Variants in KCNH1 observed in about 807,000 individuals in gnomAD.
KCNH1 encodes potassium voltage-gated channel subfamily H member 1, also known as voltage-gated delayed rectifier potassium channel KCNH1.
Under a neutral mutation model 69.2 loss-of-function variants are expected in KCNH1, and 27 were observed. That is an observed-to-expected ratio of 0.39 (90% confidence interval 0.29 to 0.54). The LOEUF is 0.54. KCNH1 is among the 20% of genes least tolerant of loss of function. The probability of loss-of-function intolerance (pLI) is 0.68; values close to 1 mark genes in which losing one functional copy is unlikely to be tolerated. For missense variants in KCNH1, 798 were observed against 1,261.6 expected (o/e 0.63, Z 5.57); for synonymous variants, 456 against 487.7 (o/e 0.93, Z 0.86).
intron 9 of KCNH1, among the ~76,000 whole-genome samples, chr1:210,782,218 A>C (rs565089694): frequency 1.3e-4 from 20 of 152,294 alleles, no homozygotes; most frequent in African/African-American, 3.6e-4. Context: ...GTATATATAA[A>C]TGAACAGCAC....
chr1:210,779,965 G>A (rs1479642443), intron 9 of KCNH1, among the ~76,000 whole-genome samples: 1 of 152,128 alleles, frequency 6.6e-6, no homozygotes, highest in Non-Finnish European at 1.5e-5. Context: ...GCCAGGGAGG[G>A]GCACAGCACA....
chr1:210,831,772 G>T (rs1685165617), intron 7 of KCNH1, among the ~76,000 whole-genome samples: 5 of 152,058 alleles, frequency 3.3e-5, no homozygotes, highest in Admixed American at 3.3e-4. Flanking sequence ...GAACATAACT[G>T]CACCTTCTGG....
intron 7 of KCNH1, among the ~76,000 whole-genome samples, chr1:210,901,384 C>A (rs748872594): frequency 6.6e-6 from 1 of 152,182 alleles, no homozygotes; most frequent in Non-Finnish European, 1.5e-5. Flanking sequence ...GCAACTACAA[C>A]ATCCTCCTCA....
intron 6 of KCNH1, among the ~76,000 whole-genome samples, chr1:210,970,606 A>G (rs1688495128): frequency 6.6e-6 from 1 of 152,178 alleles, no homozygotes; most frequent in Non-Finnish European, 1.5e-5. Flanking sequence ...CAAAAACTGG[A>G]TCTCTTCCTC....
chr1:211,105,657 C>T lies in KCNH1; in HGVS notation c.203+1597G>A, dbSNP rs1691337124. ...TTAGCAAGTTATTTTATCTGATTTC[C>T]TTAAAGTGTTTGATTATAGCCAATA... is the stretch of plus-strand genomic sequence containing the variant. On this transcript the variant is annotated intron_variant, in intron 2 of 10. Transcript: ENST00000271751. Among the ~76,000 whole-genome samples the T allele has an allele frequency of 2.0e-5, 3 of 152,130 alleles. No individual in the cohort carries two copies. In the South Asian group the frequency reaches 6.2e-4, roughly 32 times the overall value.
intron 10 of KCNH1, among the ~76,000 whole-genome samples, chr1:210,706,209 G>C (rs1681909530): frequency 6.6e-6 from 1 of 152,162 alleles, no homozygotes; most frequent in African/African-American, 2.4e-5. Flanking sequence ...TCCCCTTCCA[G>C]ATTCACTCAG....
At chr1:211,115,237 C>T (rs976762424) in intron 1 of KCNH1, among the ~76,000 whole-genome samples, 10 of 152,172 alleles carry the variant, frequency 6.6e-5, no homozygotes, top group African/African-American at 2.4e-4. Context: ...GATCCACCGG[C>T]CTTGGCCTCC....
chr1:211,028,910 G>T (rs940791624), intron 5 of KCNH1, among the ~76,000 whole-genome samples: 1 of 152,066 alleles, frequency 6.6e-6, no homozygotes, highest in Non-Finnish European at 1.5e-5. Context: ...AATTCATTTT[G>T]TGAAACTAAT....
intron 6 of KCNH1, among the ~76,000 whole-genome samples, chr1:211,011,363 T>C (rs937679614): frequency 6.6e-6 from 1 of 152,196 alleles, no homozygotes; most frequent in Non-Finnish European, 1.5e-5. Context: ...ACATTTTCTT[T>C]ATCCAGTCTA....
intron 7 of KCNH1, chr1:210,861,878 G>C (rs1340209193): frequency 2.6e-6 from 2 of 763,534 alleles, no homozygotes; most frequent in Non-Finnish European, 4.9e-6. Context: ...TCACACTGAA[G>C]ATAAAAGCCA....
intron 1 of KCNH1, among the ~76,000 whole-genome samples, chr1:211,125,713 G>A (rs528436312): frequency 1.8e-4 from 27 of 152,286 alleles, no homozygotes; most frequent in African/African-American, 6.0e-4. Flanking sequence ...ATGGAAGGCC[G>A]TTTCTCTTCT....
intron 1 of KCNH1, among the ~76,000 whole-genome samples, chr1:211,111,070 A>G (rs1458708088): frequency 1.3e-5 from 2 of 152,140 alleles, no homozygotes; most frequent in East Asian, 3.8e-4. Flanking sequence ...ATAACTATGT[A>G]CTTAATTTTA....
At chr1:210,891,945 A>G (rs1244032148) in intron 7 of KCNH1, among the ~76,000 whole-genome samples, 1 of 152,192 alleles carries the variant, frequency 6.6e-6, no homozygotes, top group East Asian at 1.9e-4. Flanking sequence ...CATCATTCTC[A>G]GCAAACTAAC....
At chr1:210,970,741 T>C (rs1166521317) in intron 6 of KCNH1, among the ~76,000 whole-genome samples, 1 of 152,174 alleles carries the variant, frequency 6.6e-6, no homozygotes. Flanking sequence ...AAAGATTTTA[T>C]GATGAAATCA....
At chr1:211,025,424 A>G (rs552739583) in intron 5 of KCNH1, among the ~76,000 whole-genome samples, 3 of 152,230 alleles carry the variant, frequency 2.0e-5, no homozygotes, top group African/African-American at 7.2e-5. Context: ...ACTCCTACCT[A>G]CTATGCTTGA....
Position 210,959,428 on chromosome 1 carries a change from G to C in KCNH1, c.1033-39359C>G, listed in dbSNP as rs1328861544. Among the ~76,000 whole-genome samples, 4 of 152,188 alleles carry C rather than the reference G, an allele frequency of 2.6e-5. No individual in the cohort carries two copies. The East Asian group carries it at 7.7e-4, about 29-fold the overall frequency. Reference sequence around the variant, plus strand: ...GTTCTCAGAGCTCAAACGCCATGCTGGGAGAACCACTGCTCTCTTCAGAGC... The same window carrying C: ...GTTCTCAGAGCTCAAACGCCATGCTCGGAGAACCACTGCTCTCTTCAGAGC... On this transcript the variant is annotated intron_variant, in intron 6 of 10. Coordinates refer to ENST00000271751, the MANE Select transcript of KCNH1 (RefSeq NM_172362.3).
intron 1 of KCNH1, among the ~76,000 whole-genome samples, chr1:211,123,526 A>G (rs942522136): frequency 3.9e-5 from 6 of 152,170 alleles, no homozygotes; most frequent in African/African-American, 1.2e-4. Context: ...GCAAAGAGAC[A>G]TGGACAGTGG....
In KCNH1 at chr1:210,919,510, G is replaced by A; in HGVS notation, c.1462+130C>T. The A allele has an allele frequency of 1.1e-6, 1 of 889,636 alleles. No individual in the cohort carries two copies. The highest frequency in any genetic ancestry group is 3.5e-4 in the Middle Eastern group (1 of 2,836). The allele number at this position is 889,636 out of a possible 1,614,324, so 55.1% of individuals were successfully genotyped here. A position where few individuals can be genotyped will look rare whatever the true frequency, so the allele number is the denominator to read the frequency against. On this transcript the variant is annotated intron_variant, in intron 7 of 10. Transcript: ENST00000271751. This position sits in a 1 kb window ranked among gnomAD's most constrained non-coding sequence, Gnocchi z 4.2. Reference sequence around the variant, plus strand: ...GCTTTAATTATCAGGGTAACTGTAAGCCTAGTCTTAAAAAAACTCTTCCTT... The same window carrying A: ...GCTTTAATTATCAGGGTAACTGTAAACCTAGTCTTAAAAAAACTCTTCCTT...
intron 7 of KCNH1, among the ~76,000 whole-genome samples, chr1:210,863,678 G>A (rs1012758594): frequency 1.3e-5 from 2 of 152,286 alleles, no homozygotes; most frequent in Non-Finnish European, 1.5e-5. Context: ...CCTCTTCACA[G>A]CTCTTATTAG....
Sources: allele counts gnomAD v4.1 joint callset (sites outside exome capture counted in the v4.1 genomes callset), GRCh38; gene constraint gnomAD v4.1.1; non-coding constraint Gnocchi (gnomAD v3.1); transcripts MANE v1.5; gene names NCBI Gene and HGNC (gene_info 2026-07-23, HGNC 2026-07-21).